Variants in ITPR2 observed in about 807,000 individuals in gnomAD.
ITPR2 encodes inositol 1,4,5-trisphosphate receptor type 2, also known as inositol 1,4,5-trisphosphate-gated calcium channel ITPR2.
In ITPR2, 207 loss-of-function variants were observed where a neutral mutation model predicts 317.1. That is an observed-to-expected ratio of 0.65 (90% CI 0.58 to 0.73). ITPR2 has a LOEUF of 0.73. Among genes scored for constraint, ITPR2 ranks in the 30% least tolerant of loss-of-function variants. The probability of loss-of-function intolerance (pLI) is 0.00; values close to 1 mark genes in which losing one functional copy is unlikely to be tolerated. For missense variants in ITPR2, 2,613 were observed against 3,284.0 expected (o/e 0.80, Z 4.99); for synonymous variants, 1,156 against 1,149.1 (o/e 1.01, Z -0.12).
At chr12:26,544,295 C>T (rs1039851515) in intron 37 of ITPR2, among the ~76,000 whole-genome samples, 6 of 151,930 alleles carry the variant, frequency 3.9e-5, no homozygotes, top group Non-Finnish European at 7.4e-5. Context: ...GAAGAATATC[C>T]CTAAGTATAA....
In ITPR2 at chr12:26,753,072, G is replaced by A. The variant is rs185138873; in HGVS notation, c.164-27307C>T. Among the ~76,000 whole-genome samples, 38 of 152,258 alleles carry A rather than the reference G, an allele frequency of 2.5e-4. No homozygotes were observed. In the East Asian group the frequency reaches 5.0e-3, roughly 20 times the overall value. ...GGGTAAGTGGTGGTGGGGTAGCTGGGTAACGAATGGGATTGGGTTAGAGGC... is the reference window on the plus strand; with the variant it reads ...GGGTAAGTGGTGGTGGGGTAGCTGGATAACGAATGGGATTGGGTTAGAGGC... On this transcript the variant is annotated intron_variant, in intron 2 of 56. Transcript: ENST00000381340.
intron 45 of ITPR2, among the ~76,000 whole-genome samples, chr12:26,465,064 G>A (rs1033962720): frequency 1.3e-5 from 2 of 152,226 alleles, no homozygotes; most frequent in Non-Finnish European, 2.9e-5. Context: ...TACAGCTGGT[G>A]TTTAAAGTCA....
At chr12:26,708,819 CCTAT>C (rs1592058776) in intron 9 of ITPR2, among the ~76,000 whole-genome samples, 1 of 152,018 alleles carries the variant, frequency 6.6e-6, no homozygotes, top group Non-Finnish European at 1.5e-5. Flanking sequence ...TCCCAAATAC[CCTAT>C]GTGATTATTA....
At position 26,830,253 on chromosome 12, in the gene ITPR2, C is replaced by T. The variant is rs542161760; in HGVS notation, c.92+2437G>A. Among the ~76,000 whole-genome samples the T allele has an allele frequency of 8.1e-4, 123 of 152,260 alleles. 1 individual carries two copies. Among genetic ancestry groups the T allele is most frequent in the African/African-American group, 2.6e-3 (106 of 41,542 alleles). On this transcript the variant is annotated intron_variant, in intron 1 of 56. Coordinates refer to ENST00000381340, the MANE Select transcript of ITPR2 (RefSeq NM_002223.4). ...TTCTTCACCTTAGAATCTAGCAGCA[C>T]GAAGGCTTTGTCATATTAACTTCAA...
At position 26,487,084 on chromosome 12, in the gene ITPR2, A is replaced by T. The variant is rs1297216803; in HGVS notation, c.5538T>A (p.Ser1846=). 4 of 1,612,080 alleles carry T rather than the reference A, an allele frequency of 2.5e-6. No individual in the cohort carries two copies. The South Asian group carries it at 4.4e-5, about 18-fold the overall frequency. The change falls in exon 40 of 57, where the codon TCT becomes TCA. Residue 1846 remains serine, a synonymous_variant. Coordinates refer to ENST00000381340, the MANE Select transcript of ITPR2 (RefSeq NM_002223.4). ...KRDDDNELMT[S]GPRMRVRDST... ...CTTCTTTACCTCTCATTCGTGGACC[A>T]GATGTCATCAATTCATTGTCATCGT...
chr12:26,713,829 A>G (rs1385843963), intron 8 of ITPR2, among the ~76,000 whole-genome samples: 2 of 152,150 alleles, frequency 1.3e-5, no homozygotes, highest in South Asian at 4.1e-4. Flanking sequence ...TGGTGTGAAA[A>G]TGCATGCTTT....
chr12:26,474,555 A>G (rs1236587772), intron 45 of ITPR2, among the ~76,000 whole-genome samples: 4 of 152,100 alleles, frequency 2.6e-5, no homozygotes, highest in South Asian at 2.1e-4. Flanking sequence ...GCACTTTGGG[A>G]GGCCGAGGCG....
At chr12:26,570,803 A>C (rs1300007751) in intron 34 of ITPR2, among the ~76,000 whole-genome samples, 1 of 152,186 alleles carries the variant, frequency 6.6e-6, no homozygotes, top group East Asian at 1.9e-4. Context: ...CAAATAAACG[A>C]ATCAACTGAG....
intron 2 of ITPR2, among the ~76,000 whole-genome samples, chr12:26,773,324 G>GA (rs1338911859): frequency 5.9e-5 from 9 of 152,108 alleles, no homozygotes; most frequent in East Asian, 1.9e-4. Flanking sequence ...TTAAAATACA[G>GA]AAAAAATACA....
intron 13 of ITPR2, among the ~76,000 whole-genome samples, chr12:26,680,920 G>A (rs1285395107): frequency 6.6e-6 from 1 of 152,150 alleles, no homozygotes; most frequent in Non-Finnish European, 1.5e-5. Context: ...GTCACGGGGT[G>A]TTTGCTTCTT....
At chr12:26,340,530 A>G (rs1938074464) in intron 55 of ITPR2, among the ~76,000 whole-genome samples, 1 of 152,156 alleles carries the variant, frequency 6.6e-6, no homozygotes, top group African/African-American at 2.4e-5. Context: ...ATTGAAGCAA[A>G]CTTTATACGG....
intron 45 of ITPR2, among the ~76,000 whole-genome samples, chr12:26,460,409 G>A (rs1212761491): frequency 6.6e-6 from 1 of 152,224 alleles, no homozygotes; most frequent in Non-Finnish European, 1.5e-5. Flanking sequence ...ATATTTTCAT[G>A]TGTATAAGTG....
chr12:26,675,922 C>T (rs1268938764), intron 13 of ITPR2, among the ~76,000 whole-genome samples: 1 of 152,182 alleles, frequency 6.6e-6, no homozygotes, highest in Non-Finnish European at 1.5e-5. Flanking sequence ...CTTTGGGAGG[C>T]AGAGGCGGGC....
chr12:26,365,301 C>T (rs980764369), intron 55 of ITPR2, among the ~76,000 whole-genome samples: 1 of 152,144 alleles, frequency 6.6e-6, no homozygotes, highest in Non-Finnish European at 1.5e-5. Flanking sequence ...AAATTTTTAA[C>T]GTAAGAGTAG....
intron 37 of ITPR2, among the ~76,000 whole-genome samples, chr12:26,527,826 C>T (rs922861047): frequency 1.7e-4 from 26 of 152,192 alleles, no homozygotes; most frequent in Non-Finnish European, 3.1e-4. Context: ...TGAGATAAAG[C>T]TCCCAATGGA....
intron 34 of ITPR2, among the ~76,000 whole-genome samples, chr12:26,564,098 C>T (rs1325724287): frequency 6.6e-6 from 1 of 152,100 alleles, no homozygotes; most frequent in South Asian, 2.1e-4. Flanking sequence ...TCCTTGCATA[C>T]ATAAACATGT....
intron 52 of ITPR2, among the ~76,000 whole-genome samples, chr12:26,404,613 C>T (rs1181978048): frequency 2.6e-5 from 4 of 151,988 alleles, no homozygotes; most frequent in Non-Finnish European, 5.9e-5. Context: ...GAGAGAGGGT[C>T]GGTCAACTGT....
intron 46 of ITPR2, among the ~76,000 whole-genome samples, chr12:26,443,003 C>T (rs1311167343): frequency 2.0e-5 from 3 of 152,182 alleles, no homozygotes; most frequent in African/African-American, 7.2e-5. Flanking sequence ...TGACCCACAC[C>T]TCCTGGACTG....
At chr12:26,681,611 A>T (rs771275871) in intron 13 of ITPR2, among the ~76,000 whole-genome samples, 2 of 152,218 alleles carry the variant, frequency 1.3e-5, no homozygotes, top group Non-Finnish European at 2.9e-5. Context: ...CAAAGGATTT[A>T]AAAAAGAATG....
Sources: allele counts gnomAD v4.1 joint callset (sites outside exome capture counted in the v4.1 genomes callset), GRCh38; gene constraint gnomAD v4.1.1; transcripts MANE v1.5; gene names NCBI Gene and HGNC (gene_info 2026-07-23, HGNC 2026-07-21).